BAG3: variants seen among roughly 807,000 people sequenced by gnomAD.
The protein encoded by BAG3 is BAG cochaperone 3, also known as BAG family molecular chaperone regulator 3.
A neutral mutation model predicts 40.5 loss-of-function variants in BAG3; 14 were observed. The observed-to-expected ratio is 0.35, with a 90% CI of 0.23 to 0.54. BAG3 has a LOEUF of 0.54. BAG3 is among the 20% of genes least tolerant of loss of function. BAG3 has a pLI of 0.91. For synonymous variants in BAG3, 302 were observed against 307.8 expected (o/e 0.98, Z 0.20); for missense variants, 788 against 758.6 (o/e 1.04, Z -0.46).
chr10:119,675,761 T>C (rs75128129), intron 3 of BAG3, among the ~76,000 whole-genome samples: 253 of 81,280 alleles, frequency 3.1e-3, no homozygotes, highest in Admixed American at 4.3e-3. Flanking sequence ...CTTTCCTTCC[T>C]TCCTTCCCTC....
intron 3 of BAG3, among the ~76,000 whole-genome samples, chr10:119,675,577 A>C (rs759152047): frequency 6.6e-6 from 1 of 152,110 alleles, no homozygotes; most frequent in Non-Finnish European, 1.5e-5. Flanking sequence ...TATCTTTTCT[A>C]AAACAGGAGA....
At chr10:119,674,058 C>T (rs1009514274) in intron 3 of BAG3, among the ~76,000 whole-genome samples, 1 of 152,202 alleles carries the variant, frequency 6.6e-6, no homozygotes, top group Non-Finnish European at 1.5e-5. Context: ...AGGACTGAAA[C>T]AAGGATCATG....
rs140345167 is a variant in BAG3, at chr10:119,656,044, A to G, written c.180+4189A>G. ...AGTCACCTTATATAAACCACTCTAC[A>G]TGTTTATTACTTTCTATTGACATTT... On this transcript the variant is annotated intron_variant, in intron 1 of 3. Coordinates refer to ENST00000369085, the MANE Select transcript of BAG3 (RefSeq NM_004281.4). Among the ~76,000 whole-genome samples the G allele has an allele frequency of 3.7e-3, 563 of 152,264 alleles. 3 individuals carry two copies. The highest frequency in any genetic ancestry group is 0.013 in the African/African-American group (522 of 41,554).
intron 1 of BAG3, among the ~76,000 whole-genome samples, chr10:119,661,300 T>G (rs1050746640): frequency 6.8e-6 from 1 of 148,012 alleles, no homozygotes; most frequent in African/African-American, 2.4e-5. Context: ...ACCCAATTGT[T>G]TAGGGCACAG....
rs1846842480 is a variant in BAG3, at chr10:119,651,723, C to T, written c.48C>T (p.Asn16=). 6.3e-7 allele frequency: 1 copy of T among 1,596,164 alleles called. No individual in the cohort carries two copies. Among genetic ancestry groups the T allele is most frequent in the Non-Finnish European group, 8.5e-7 (1 of 1,172,096 alleles). Residue 16 remains asparagine (N), a synonymous_variant, in exon 1 of 4, where the codon AAC becomes AAT. Coordinates refer to ENST00000369085, the MANE Select transcript of BAG3 (RefSeq NM_004281.4). ...CCATGATGCAGGTGGCGTCCGGCAA[C>T]GGTGACCGCGACCCTTTGCCCCCCG... ...HSPMMQVASG[N]GDRDPLPPGW... is the part of the protein sequence containing the mutation.
intron 1 of BAG3, among the ~76,000 whole-genome samples, chr10:119,661,092 T>C (rs979890800): frequency 6.1e-5 from 9 of 146,806 alleles, no homozygotes; most frequent in South Asian, 2.2e-4. Context: ...AATCTTCGTC[T>C]CAAAAACAAA....
chr10:119,658,325 G>A (rs1293634824), intron 1 of BAG3, among the ~76,000 whole-genome samples: 1 of 152,220 alleles, frequency 6.6e-6, no homozygotes, highest in Non-Finnish European at 1.5e-5. Context: ...AGCGGGGTTA[G>A]CACTCCTTCC....
In BAG3 at chr10:119,676,767, G is replaced by A. The variant is rs1416464425; in HGVS notation, c.1213G>A (p.Ala405Thr). ...AGCCCCCAGCACTGCCCCTGCAGAAGCTACACCTCCAAAACCAGGAGAAGC... is the reference window on the plus strand; with the variant it reads ...AGCCCCCAGCACTGCCCCTGCAGAAACTACACCTCCAAAACCAGGAGAAGC... ...RAAPSTAPAE[A>T]TPPKPGEAEA... The change falls in exon 4 of 4, where the codon GCT becomes ACT. Residue 405 changes from alanine (A) to threonine (T), a missense_variant. Transcript: ENST00000369085. The A allele has an allele frequency of 6.2e-7, 1 of 1,614,162 alleles. No individual in the cohort carries two copies. Among genetic ancestry groups the A allele is most frequent in the Non-Finnish European group, 8.5e-7 (1 of 1,180,042 alleles).
At chr10:119,669,298 C>T (rs1589628409) in intron 1 of BAG3, among the ~76,000 whole-genome samples, 1 of 152,186 alleles carries the variant, frequency 6.6e-6, no homozygotes, top group African/African-American at 2.4e-5. Flanking sequence ...CTTCCCCTTC[C>T]TGCAAATTGT....
chr10:119,661,246 C>T (rs754236134), intron 1 of BAG3, among the ~76,000 whole-genome samples: 28 of 152,086 alleles, frequency 1.8e-4, no homozygotes, highest in Non-Finnish European at 4.0e-4. Flanking sequence ...GGCAACAGAG[C>T]GAGACTCAGT....
intron 1 of BAG3, among the ~76,000 whole-genome samples, chr10:119,661,498 C>T (rs767601494): frequency 1.3e-5 from 2 of 152,154 alleles, no homozygotes; most frequent in Non-Finnish European, 2.9e-5. Flanking sequence ...CTTGAAGACC[C>T]GGGCTCATGC....
At chr10:119,664,406 GT>G (rs1214855936) in intron 1 of BAG3, among the ~76,000 whole-genome samples, 2 of 152,206 alleles carry the variant, frequency 1.3e-5, no homozygotes, top group Non-Finnish European at 2.9e-5. Flanking sequence ...AATTAATATA[GT>G]GAGATAAGCA....
intron 1 of BAG3, among the ~76,000 whole-genome samples, chr10:119,661,576 AT>A (rs1295555518): frequency 3.3e-5 from 5 of 152,026 alleles, no homozygotes; most frequent in African/African-American, 4.8e-5. Context: ...TTCTAAAAAA[AT>A]TTTTTTTCCC....
At chr10:119,659,721 G>A (rs537565714) in intron 1 of BAG3, among the ~76,000 whole-genome samples, 1 of 152,354 alleles carries the variant, frequency 6.6e-6, no homozygotes, top group South Asian at 2.1e-4. Flanking sequence ...AGACCTAACA[G>A]GCACTTGTAG....
intron 1 of BAG3, among the ~76,000 whole-genome samples, chr10:119,662,575 A>G (rs533040971): frequency 6.6e-6 from 1 of 152,246 alleles, no homozygotes; most frequent in Non-Finnish European, 1.5e-5. Flanking sequence ...CAGTTAATAC[A>G]GTCTGTGTCC....
In BAG3 at chr10:119,669,753, G is replaced by A. The variant is rs573977172; in HGVS notation, c.181-98G>A. The A allele has an allele frequency of 4.4e-4, 552 of 1,260,550 alleles. 8 individuals carry two copies. In the East Asian group the frequency reaches 0.013, roughly 29 times the overall value. 78.1% of individuals were successfully genotyped at this position (1,260,550 alleles called of 1,614,324 possible). A position where few individuals can be genotyped will look rare whatever the true frequency, so the allele number is the denominator to read the frequency against. ...TGACGCTTTGAGGCCCAAGTCACTC[G>A]GGAAGATCACAATGCCAAGCGCCAC... On this transcript the variant is annotated intron_variant, in intron 1 of 3. Coordinates refer to ENST00000369085, the MANE Select transcript of BAG3 (RefSeq NM_004281.4).
In BAG3 at chr10:119,665,136, A is replaced by ATT. The variant is rs1430985995; in HGVS notation, c.181-4714_181-4713insTT. ...TGTGTGTGTGTGTGTGTATATATAT[A>ATT]TATATATATTTTTTTTTTTAGTTGG... On this transcript the variant is annotated intron_variant, in intron 1 of 3. Transcript: ENST00000369085. Among the ~76,000 whole-genome samples the ATT allele has an allele frequency of 2.2e-3, 161 of 73,162 alleles. 4 individuals are homozygous for ATT. The highest frequency in any genetic ancestry group is 0.015 in the East Asian group (53 of 3,626). The allele number at this position is 73,162 out of a possible 152,430, so 48.0% of individuals were successfully genotyped here.
Position 119,677,120 on chromosome 10 carries a change from G to A in BAG3, c.1566G>A (p.Gln522=). Residue 522 remains glutamine (Q), a synonymous_variant, in exon 4 of 4, where the codon CAG becomes CAA. Transcript: ENST00000369085. ...PSNLEADQPL[Q]AIMEMGAVAA... The stretch of plus-strand genomic sequence containing the variant: ...ACCTTGAAGCAGATCAGCCACTGCA[G>A]GCAATCATGGAGATGGGTGCCGTGG... 6.2e-7 allele frequency: 1 copy of A among 1,614,180 alleles called. No homozygotes were observed. The highest frequency in any genetic ancestry group is 8.5e-7 in the Non-Finnish European group (1 of 1,180,036).
intron 1 of BAG3, among the ~76,000 whole-genome samples, chr10:119,662,316 G>A (rs1301360941): frequency 1.4e-5 from 2 of 142,546 alleles, no homozygotes; most frequent in Non-Finnish European, 3.0e-5. Flanking sequence ...TGATCCGCCC[G>A]CCTCGGCCTC....
Sources: gnomAD v4.1 joint callset for allele counts (sites outside exome capture counted in the v4.1 genomes callset) on GRCh38, gnomAD v4.1.1 for gene constraint, MANE v1.5 for transcripts, NCBI Gene and HGNC (gene_info 2026-07-23, HGNC 2026-07-21) for gene names.